MFSD6: variants seen among roughly 807,000 people sequenced by gnomAD.
The protein encoded by MFSD6 is major facilitator superfamily domain containing 6.
A neutral mutation model predicts 56.3 loss-of-function variants in MFSD6; 26 were observed. The observed-to-expected ratio is 0.46, with a 90% CI of 0.34 to 0.64. The LOEUF is 0.64. Ranked by LOEUF, MFSD6 falls within the 30% of genes least tolerant of loss-of-function variation. The pLI, the probability that MFSD6 is intolerant of heterozygous loss-of-function variation, is 0.01. For missense variants in MFSD6, 750 were observed against 986.2 expected, an observed-to-expected ratio of 0.76 and a Z score of 3.21; for synonymous variants, 331 against 366.9, an observed-to-expected ratio of 0.90 and a Z score of 1.12.
chr2:190,411,178 TCAGA>T (rs1690549557), intron 1 of MFSD6: 1 of 950,504 alleles, frequency 1.1e-6, no homozygotes, highest in Non-Finnish European at 1.2e-6. Context: ...TTTTTTTTTT[TCAGA>T]CAGAGTCTCG....
At chr2:190,477,259 A>G (rs761967385) in intron 4 of MFSD6, 36 of 983,728 alleles carry the variant, frequency 3.7e-5, no homozygotes, top group Non-Finnish European at 4.3e-5. Context: ...ATTCAATAAC[A>G]AGGTAATATG....
rs868356649 is a variant in MFSD6 at position 190,462,535 on chromosome 2, T to C, written c.1533-7223T>C. On this transcript the variant is annotated intron_variant, in intron 3 of 7. Coordinates refer to ENST00000392328, the MANE Select transcript of MFSD6 (RefSeq NM_017694.4). This position sits in a 1 kb window ranked among gnomAD's most constrained non-coding sequence, Gnocchi z 5.7. ...AGTGCCTGAGCAAGGCAGGCTCTTT[T>C]TGAGTACAAAGAGGAAGAAGACATG... Among the ~76,000 whole-genome samples the C allele has an allele frequency of 5.3e-5, 8 of 152,174 alleles. 1 individual carries two copies. Among genetic ancestry groups the C allele is most frequent in the African/African-American group, 1.7e-4 (7 of 41,434 alleles).
At chr2:190,480,963 A>C (rs1308306669) in intron 4 of MFSD6, among the ~76,000 whole-genome samples, 1 of 152,274 alleles carries the variant, frequency 6.6e-6, no homozygotes, top group Non-Finnish European at 1.5e-5. Context: ...TATGCATTAA[A>C]GCCTGGCTAT....
In MFSD6 at chr2:190,426,299, A is replaced by G. The variant is rs1380591108; in HGVS notation, c.-53-9678A>G. ...GTTCTGTATCCCAATTCACTCATTA[A>G]TCCCTCTGTCCCCTTTATTCTGCTT... On this transcript the variant is annotated intron_variant, in intron 2 of 7. Coordinates refer to ENST00000392328, the MANE Select transcript of MFSD6 (RefSeq NM_017694.4). The surrounding 1 kb of genome is among the most constrained non-coding windows in gnomAD (Gnocchi z 4.7). Among the ~76,000 whole-genome samples, 1 of 152,086 alleles carries G rather than the reference A, an allele frequency of 6.6e-6. No individual in the cohort carries two copies. The highest frequency in any genetic ancestry group is 1.5e-5 in the Non-Finnish European group (1 of 68,014).
At position 190,446,333 on chromosome 2, in the gene MFSD6, A is replaced by T. The variant is rs148959692; in HGVS notation, c.1532+8772A>T. Among the ~76,000 whole-genome samples the T allele has an allele frequency of 2.8e-4, 42 of 152,308 alleles. 1 individual carries two copies. Among genetic ancestry groups the T allele is most frequent in the East Asian group, 2.3e-3 (12 of 5,192 alleles). On this transcript the variant is annotated intron_variant, in intron 3 of 7. Coordinates refer to ENST00000392328, the MANE Select transcript of MFSD6 (RefSeq NM_017694.4). The stretch of plus-strand genomic sequence containing the variant: ...GGACGCAGGGTGTATCCAAGGCTGC[A>T]CAGTTTGGGAAGTTCCCCCAGATCT...
In MFSD6 at chr2:190,426,023, T is replaced by C. The variant is rs77961158; in HGVS notation, c.-53-9954T>C. Among the ~76,000 whole-genome samples, 16,697 of 152,236 alleles carry C rather than the reference T, an allele frequency of 0.11. 1,281 individuals are homozygous for C. The highest frequency in any genetic ancestry group is 0.21 in the African/African-American group (8,642 of 41,534). ...TTTTTAGAAGTTTGACTGATGAGTT[T>C]TGGTGTGGGCATTTTGTTTTAGTTT... On this transcript the variant is annotated intron_variant, in intron 2 of 7. Transcript: ENST00000392328. This position sits in a 1 kb window ranked among gnomAD's most constrained non-coding sequence, Gnocchi z 4.7.
At position 190,501,488 on chromosome 2, in the gene MFSD6, G is replaced by C. The variant is rs1690022706; in HGVS notation, c.*1270G>C. Reference sequence around the variant, plus strand: ...CAGAGGTTAACAGGAAACCTGGGGGGAGTGTGGAAAAGGGAAAACTGTTTT... The same window carrying C: ...CAGAGGTTAACAGGAAACCTGGGGGCAGTGTGGAAAAGGGAAAACTGTTTT... On this transcript the variant is annotated 3_prime_UTR_variant, in exon 8 of 8. Coordinates refer to ENST00000392328, the MANE Select transcript of MFSD6 (RefSeq NM_017694.4). The C allele has an allele frequency of 6.6e-6, 1 of 152,178 alleles. No individual in the cohort carries two copies. The highest frequency in any genetic ancestry group is 2.4e-5 in the African/African-American group (1 of 41,434). 9.4% of individuals were successfully genotyped at this position (152,178 alleles called of 1,614,324 possible).
chr2:190,425,452 A>G lies in MFSD6; in HGVS notation c.-54+10039A>G, dbSNP rs1395106047. 1.3e-5 allele frequency among the ~76,000 whole-genome samples: 2 copies of G among 152,186 alleles called. No individual in the cohort carries two copies. The highest frequency in any genetic ancestry group is 2.9e-5 in the Non-Finnish European group (2 of 68,038). ...CATTCAGTCTTTCACCATTAAGTGC[A>G]GTGTTACCCATGGGTTTCCGTAGGT... On this transcript the variant is annotated intron_variant, in intron 2 of 7. Coordinates refer to ENST00000392328, the MANE Select transcript of MFSD6 (RefSeq NM_017694.4). The surrounding 1 kb of genome is among the most constrained non-coding windows in gnomAD (Gnocchi z 4.3).
intron 2 of MFSD6, among the ~76,000 whole-genome samples, chr2:190,435,008 AT>A (rs1345242350): frequency 1.3e-5 from 2 of 152,178 alleles, no homozygotes; most frequent in African/African-American, 2.4e-5. Flanking sequence ...TGTGCTCCTT[AT>A]GAGAACCTAA....
intron 4 of MFSD6, among the ~76,000 whole-genome samples, chr2:190,473,173 A>G (rs1187540436): frequency 2.0e-5 from 3 of 152,230 alleles, no homozygotes; most frequent in Admixed American, 6.5e-5. Context: ...AAGAAACTGC[A>G]TCAACCAACA....
chr2:190,440,502 A>G (rs1574112578), intron 3 of MFSD6, among the ~76,000 whole-genome samples: 1 of 152,258 alleles, frequency 6.6e-6, no homozygotes, highest in Non-Finnish European at 1.5e-5. Context: ...AATGATTAAC[A>G]GGATATAAAT....
Position 190,415,463 on chromosome 2 carries a change from T to C in MFSD6, c.-54+50T>C, listed in dbSNP as rs1690736462. On this transcript the variant is annotated intron_variant, in intron 2 of 7. Coordinates refer to ENST00000392328, the MANE Select transcript of MFSD6 (RefSeq NM_017694.4). This position sits in a 1 kb window ranked among gnomAD's most constrained non-coding sequence, Gnocchi z 4.5. Reference sequence around the variant, plus strand: ...TTAAAAAAAAATTGTAGACATGGGATCTTGCTTTGTTGCCCATGCTGGTCT... The same window carrying C: ...TTAAAAAAAAATTGTAGACATGGGACCTTGCTTTGTTGCCCATGCTGGTCT... The C allele has an allele frequency of 6.6e-6, 1 of 151,988 alleles. No individual in the cohort carries two copies. The highest frequency in any genetic ancestry group is 1.5e-5 in the Non-Finnish European group (1 of 67,988). 9.4% of individuals were successfully genotyped at this position (151,988 alleles called of 1,614,324 possible).
rs115058442 is a variant in MFSD6, at chr2:190,450,156, T to C, written c.1532+12595T>C. The stretch of plus-strand genomic sequence containing the variant: ...CCAGCTGTTTCGTTATCTTGAGTAA[T>C]AGAGTGTCAGTTTACTGCGTTTTTA... On this transcript the variant is annotated intron_variant, in intron 3 of 7. Transcript: ENST00000392328. Among the ~76,000 whole-genome samples, 610 of 152,306 alleles carry C rather than the reference T, an allele frequency of 4.0e-3. 3 individuals carry two copies. Among genetic ancestry groups the C allele is most frequent in the African/African-American group, 0.014 (583 of 41,568 alleles).
rs546296922 is a variant in MFSD6, at chr2:190,430,809, C to T, written c.-53-5168C>T. ...GGGCGGGCAGAGGCGCCCCCCCCAC[C>T]TCCCTCCCGGACGGGGCGGCCGGCC... is the stretch of plus-strand genomic sequence containing the variant. On this transcript the variant is annotated intron_variant, in intron 2 of 7. Coordinates refer to ENST00000392328, the MANE Select transcript of MFSD6 (RefSeq NM_017694.4). Among the ~76,000 whole-genome samples the T allele has an allele frequency of 1.5e-3, 218 of 147,016 alleles. 3 individuals carry two copies. Among genetic ancestry groups the T allele is most frequent in the Non-Finnish European group, 2.5e-3 (168 of 66,254 alleles).
intron 1 of MFSD6, chr2:190,411,833 A>G (rs1322021431): frequency 1.3e-5 from 13 of 985,344 alleles, no homozygotes; most frequent in Non-Finnish European, 1.6e-5. Context: ...CTCAATAAGA[A>G]TGCTTTGGAG....
rs1172119618 is a variant in MFSD6, at chr2:190,497,380, C to T, written c.1892-59C>T. On this transcript the variant is annotated intron_variant, in intron 6 of 7. Coordinates refer to ENST00000392328, the MANE Select transcript of MFSD6 (RefSeq NM_017694.4). The surrounding 1 kb of genome is among the most constrained non-coding windows in gnomAD (Gnocchi z 5.2). ...TCTTGGTTTATTTATTTATTTTTAC[C>T]TTTGTTCAAATATGTAGAAAATGCT... 6.4e-7 allele frequency: 1 copy of T among 1,551,362 alleles called. No individual in the cohort carries two copies. Among genetic ancestry groups the T allele is most frequent in the African/African-American group, 1.4e-5 (1 of 72,860 alleles).
rs761219283 is a variant in MFSD6 at position 190,436,744 on chromosome 2, G to C, written c.715G>C (p.Asp239His). 1 of 1,614,166 alleles carries C rather than the reference G, an allele frequency of 6.2e-7. No homozygotes were observed. Among genetic ancestry groups the C allele is most frequent in the Non-Finnish European group, 8.5e-7 (1 of 1,180,020 alleles). The change falls in exon 3 of 8, where the codon GAC becomes CAC. Residue 239 changes from aspartate to histidine, a missense_variant. This residue lies in a region of MFSD6 where 376 missense variants were observed against 437.9 expected (regional missense o/e 0.86). Transcript: ENST00000392328. This position sits in a 1 kb window ranked among gnomAD's most constrained non-coding sequence, Gnocchi z 5.3. ...QTGEITNRMM[D>H]LTLNSSTATP... ...AGGTGAAATTACTAACCGTATGATG[G>C]ACTTGACTTTGAACTCAAGCACAGC...
rs1426280878 is a variant in MFSD6, at chr2:190,412,484, G to GC, written c.-175-2806dup. ...GTGCAAAGTCCTACCCTACTACAAG[G>GC]CCAGTTTGGGTAAAATTTCTTCCTC... On this transcript the variant is annotated intron_variant, in intron 1 of 7. Coordinates refer to ENST00000392328, the MANE Select transcript of MFSD6 (RefSeq NM_017694.4). This position sits in a 1 kb window ranked among gnomAD's most constrained non-coding sequence, Gnocchi z 4.1. 2.0e-6 allele frequency: 2 copies of GC among 985,146 alleles called. No homozygotes were observed. Among genetic ancestry groups the GC allele is most frequent in the Admixed American group, 1.2e-4 (2 of 16,254 alleles). 61.0% of individuals were successfully genotyped at this position (985,146 alleles called of 1,614,324 possible).
At position 190,496,179 on chromosome 2, in the gene MFSD6, G is replaced by A. The variant is rs531621664; in HGVS notation, c.1892-1260G>A. ...ACACCAAAGAGTGGACTAAGGACAT[G>A]CATAAACAATTCTCAAGCAAAGATA... On this transcript the variant is annotated intron_variant, in intron 6 of 7. Coordinates refer to ENST00000392328, the MANE Select transcript of MFSD6 (RefSeq NM_017694.4). The surrounding 1 kb of genome is among the most constrained non-coding windows in gnomAD (Gnocchi z 4.7). 9.2e-4 allele frequency among the ~76,000 whole-genome samples: 138 copies of A among 150,762 alleles called. No individual in the cohort carries two copies. Among genetic ancestry groups the A allele is most frequent in the African/African-American group, 3.2e-3 (133 of 41,226 alleles).
Sources: allele counts gnomAD v4.1 joint callset (sites outside exome capture counted in the v4.1 genomes callset), GRCh38; gene constraint gnomAD v4.1.1; regional missense constraint gnomAD v4.1.1; non-coding constraint Gnocchi (gnomAD v3.1); transcripts MANE v1.5; gene names NCBI Gene and HGNC (gene_info 2026-07-23, HGNC 2026-07-21).